DLG2: variants seen among roughly 807,000 people sequenced by gnomAD.
DLG2 encodes disks large homolog 2.
A neutral mutation model predicts 132.5 loss-of-function variants in DLG2; 45 were observed. That is an observed-to-expected ratio of 0.34 (90% confidence interval 0.27 to 0.44). DLG2 has a LOEUF of 0.44. DLG2 is among the 20% of genes least tolerant of loss of function. The probability of loss-of-function intolerance (pLI) is 1.00; values close to 1 mark genes in which losing one functional copy is unlikely to be tolerated. For synonymous variants in DLG2, 424 were observed against 419.6 expected (o/e 1.01, Z -0.13); for missense variants, 1,045 against 1,196.9 (o/e 0.87, Z 1.87).
At chr11:84,430,148 C>T (rs2098979725) in intron 7 of DLG2, among the ~76,000 whole-genome samples, 1 of 152,084 alleles carries the variant, frequency 6.6e-6, no homozygotes, top group Admixed American at 6.6e-5. Context: ...CTATGAAATG[C>T]AGCTAATAGC....
chr11:84,563,007 C>G (rs2099433220), intron 6 of DLG2, among the ~76,000 whole-genome samples: 1 of 152,168 alleles, frequency 6.6e-6, no homozygotes, highest in Admixed American at 6.5e-5. Flanking sequence ...TCGCCTCAGC[C>G]TCCCAAAATG....
At chr11:83,900,100 T>C (rs2072993575) in intron 15 of DLG2, among the ~76,000 whole-genome samples, 1 of 152,172 alleles carries the variant, frequency 6.6e-6, no homozygotes, top group African/African-American at 2.4e-5. Flanking sequence ...CCAAGAGATT[T>C]GTGGAACTTT....
chr11:83,685,482 T>C (rs940730268), intron 18 of DLG2, among the ~76,000 whole-genome samples: 1 of 152,142 alleles, frequency 6.6e-6, no homozygotes, highest in African/African-American at 2.4e-5. Context: ...GATCATTGTC[T>C]CTGTTTGGTT....
At chr11:85,032,898 C>T (rs1015306347) in intron 6 of DLG2, among the ~76,000 whole-genome samples, 1 of 152,186 alleles carries the variant, frequency 6.6e-6, no homozygotes. Context: ...CTTGTTCAAA[C>T]TCCTTACAGG....
intron 19 of DLG2, among the ~76,000 whole-genome samples, chr11:83,627,970 A>G (rs2062893199): frequency 6.6e-6 from 1 of 152,148 alleles, no homozygotes; most frequent in African/African-American, 2.4e-5. Context: ...GCCAGTGATG[A>G]TGAGTATTTT....
At chr11:84,654,286 T>C (rs1483588140) in intron 6 of DLG2, among the ~76,000 whole-genome samples, 1 of 152,176 alleles carries the variant, frequency 6.6e-6, no homozygotes, top group East Asian at 1.9e-4. Context: ...TAATTTCTTC[T>C]CACTTATTAT....
Position 83,842,012 on chromosome 11 carries a change from T to C in DLG2, c.1566-8242A>G, listed in dbSNP as rs372605270. Among the ~76,000 whole-genome samples, 91 of 152,362 alleles carry C rather than the reference T, an allele frequency of 6.0e-4. 1 individual carries two copies. The Middle Eastern group carries it at 0.017, about 28-fold the overall frequency. On this transcript the variant is annotated intron_variant, in intron 16 of 27. Coordinates refer to ENST00000376104, the MANE Select transcript of DLG2 (RefSeq NM_001142699.3). The stretch of plus-strand genomic sequence containing the variant: ...GCCTTCTTCTTAAAAGGTATTATTC[T>C]TTTACCATCATCACTTAGATGAAAT...
At chr11:83,927,882 T>A (rs766434296) in intron 15 of DLG2, among the ~76,000 whole-genome samples, 1 of 151,922 alleles carries the variant, frequency 6.6e-6, no homozygotes, top group Non-Finnish European at 1.5e-5. Context: ...GACTTGAAGA[T>A]GAATTGAATG....
At chr11:84,952,494 G>C (rs2051089253) in intron 6 of DLG2, among the ~76,000 whole-genome samples, 1 of 151,858 alleles carries the variant, frequency 6.6e-6, no homozygotes, top group South Asian at 2.1e-4. Context: ...TCCCGCCTGG[G>C]CGACAGAACG....
chr11:83,893,482 C>A (rs950937292), intron 15 of DLG2, among the ~76,000 whole-genome samples: 3 of 152,190 alleles, frequency 2.0e-5, no homozygotes, highest in African/African-American at 7.2e-5. Context: ...CATCTGCATT[C>A]ATTGATTGCT....
intron 19 of DLG2, among the ~76,000 whole-genome samples, chr11:83,584,680 T>C (rs926868860): frequency 2.0e-5 from 3 of 152,196 alleles, no homozygotes; most frequent in Admixed American, 6.5e-5. Context: ...TAGAGGATTT[T>C]TGAGCAATAC....
At chr11:85,261,035 T>C (rs2076912832) in intron 4 of DLG2, among the ~76,000 whole-genome samples, 1 of 152,138 alleles carries the variant, frequency 6.6e-6, no homozygotes, top group Admixed American at 6.5e-5. Context: ...TGCATCTGGC[T>C]GGGGCCCAGC....
At chr11:85,435,690 T>G (rs897607003) in intron 3 of DLG2, among the ~76,000 whole-genome samples, 5 of 152,202 alleles carry the variant, frequency 3.3e-5, no homozygotes, top group African/African-American at 1.2e-4. Context: ...AAACATTCCA[T>G]GCTCATGGAT....
chr11:83,763,997 C>T (rs1288680278), intron 18 of DLG2, among the ~76,000 whole-genome samples: 2 of 152,230 alleles, frequency 1.3e-5, no homozygotes, highest in Admixed American at 1.3e-4. Flanking sequence ...TATTTCAGAA[C>T]TTATCTTTCA....
chr11:83,780,394 A>G (rs2094766368), intron 18 of DLG2, among the ~76,000 whole-genome samples: 1 of 152,230 alleles, frequency 6.6e-6, no homozygotes, highest in Non-Finnish European at 1.5e-5. Flanking sequence ...TATTGCTGAA[A>G]AGAATAGTTT....
intron 16 of DLG2, among the ~76,000 whole-genome samples, chr11:83,849,905 G>C (rs1349569027): frequency 6.6e-6 from 1 of 151,970 alleles, no homozygotes; most frequent in Non-Finnish European, 1.5e-5. Context: ...CCAGCAAAAT[G>C]TCTAGCAAAC....
At chr11:85,414,570 G>A (rs371449303) in intron 3 of DLG2, among the ~76,000 whole-genome samples, 2 of 151,934 alleles carry the variant, frequency 1.3e-5, no homozygotes, top group African/African-American at 4.8e-5. Flanking sequence ...TGTATATTCT[G>A]CGGTTTTTGG....
intron 3 of DLG2, among the ~76,000 whole-genome samples, chr11:85,525,858 C>G (rs547407145): frequency 3.7e-4 from 57 of 152,270 alleles, no homozygotes; most frequent in African/African-American, 1.3e-3. Flanking sequence ...AGGACAGAGA[C>G]TAGACAGGAG....
chr11:84,000,252 C>T (rs981143512), intron 11 of DLG2, among the ~76,000 whole-genome samples: 2 of 151,916 alleles, frequency 1.3e-5, no homozygotes, highest in African/African-American at 2.4e-5. Flanking sequence ...AAAGCTTCAA[C>T]ACTAGATTAG....
Sources: allele counts gnomAD v4.1 joint callset (sites outside exome capture counted in the v4.1 genomes callset), GRCh38; gene constraint gnomAD v4.1.1; transcripts MANE v1.5; gene names NCBI Gene and HGNC (gene_info 2026-07-23, HGNC 2026-07-21).